Variants in NDST3 observed in about 807,000 individuals in gnomAD.
NDST3 encodes the protein bifunctional heparan sulfate N-deacetylase/N-sulfotransferase 3.
In NDST3, 58 loss-of-function variants were observed where a neutral mutation model predicts 96.1. The observed-to-expected ratio is 0.60, with a 90% CI of 0.49 to 0.75. NDST3 has a LOEUF of 0.75. NDST3 is among the 30% of genes least tolerant of loss of function. The pLI is 0.00. For synonymous variants in NDST3, 333 were observed against 359.7 expected (o/e 0.93, Z 0.84); for missense variants, 788 against 1,034.2 (o/e 0.76, Z 3.27).
intron 1 of NDST3, among the ~76,000 whole-genome samples, chr4:118,041,656 T>C (rs1178965650): frequency 6.6e-6 from 1 of 152,226 alleles, no homozygotes; most frequent in Non-Finnish European, 1.5e-5. Flanking sequence ...CAGGCTAGTG[T>C]GCTTGTTCTG....
chr4:118,155,105 T>C (rs1734639756), intron 6 of NDST3, among the ~76,000 whole-genome samples: 1 of 152,212 alleles, frequency 6.6e-6, no homozygotes. Flanking sequence ...TGGTAAGACT[T>C]TTAAATTTAT....
chr4:118,133,643 C>T (rs1357576317), intron 4 of NDST3, among the ~76,000 whole-genome samples: 2 of 152,128 alleles, frequency 1.3e-5, no homozygotes, highest in Admixed American at 1.3e-4. Flanking sequence ...GGGTTCTATT[C>T]TGCCATTTTG....
intron 1 of NDST3, among the ~76,000 whole-genome samples, chr4:118,041,096 AG>A (rs1724439754): frequency 6.6e-6 from 1 of 151,742 alleles, no homozygotes; most frequent in Non-Finnish European, 1.5e-5. Flanking sequence ...ATATCATAGT[AG>A]CCCATTTTCT....
intron 6 of NDST3, among the ~76,000 whole-genome samples, chr4:118,167,024 C>T (rs765183490): frequency 6.0e-5 from 9 of 150,874 alleles, no homozygotes; most frequent in Non-Finnish European, 1.3e-4. Flanking sequence ...CAACATTGTA[C>T]TGGAAGTACT....
intron 6 of NDST3, chr4:118,193,558 C>A: frequency 2.8e-6 from 3 of 1,061,460 alleles, no homozygotes; most frequent in Non-Finnish European, 4.4e-6. Context: ...CGTAGAGCGT[C>A]TTCTCCCAGG....
In NDST3 at chr4:118,064,829, G is replaced by A. The variant is rs116008901; in HGVS notation, c.981+9938G>A. ...CTAAGTTCAAGATGTCCACAGGGCT[G>A]TGTTCCTTTCTGGAGGCTCTAGGGG... On this transcript the variant is annotated intron_variant, in intron 2 of 13. Coordinates refer to ENST00000296499, the MANE Select transcript of NDST3 (RefSeq NM_004784.3). Among the ~76,000 whole-genome samples the A allele has an allele frequency of 5.9e-3, 898 of 152,252 alleles. 8 individuals are homozygous for A. The highest frequency in any genetic ancestry group is 9.3e-3 in the Non-Finnish European group (633 of 68,018).
At chr4:118,137,050 T>TA (rs1733158341) in intron 4 of NDST3, among the ~76,000 whole-genome samples, 1 of 152,146 alleles carries the variant, frequency 6.6e-6, no homozygotes, top group South Asian at 2.1e-4. Flanking sequence ...AAGCTAACCA[T>TA]ACCTCTAACT....
intron 6 of NDST3, among the ~76,000 whole-genome samples, chr4:118,188,536 A>C (rs902128667): frequency 6.6e-6 from 1 of 152,090 alleles, no homozygotes; most frequent in Non-Finnish European, 1.5e-5. Context: ...AGGCTATCGC[A>C]GATAATTTGA....
chr4:118,218,097 G>A (rs1012733811), intron 6 of NDST3, among the ~76,000 whole-genome samples: 1 of 151,812 alleles, frequency 6.6e-6, no homozygotes, highest in African/African-American at 2.4e-5. Context: ...ATACACAGCC[G>A]AATTCTACCA....
At chr4:118,166,533 C>T (rs1003146361) in intron 6 of NDST3, among the ~76,000 whole-genome samples, 5 of 151,950 alleles carry the variant, frequency 3.3e-5, no homozygotes, top group African/African-American at 1.2e-4. Flanking sequence ...GAAGGGAACT[C>T]TTCCAAACTC....
rs116313735 is a variant in NDST3 at position 118,097,582 on chromosome 4, C to T, written c.982-7436C>T. ...TGTTCTGAATCTCTGGGTTAGGACC[C>T]GGAAGTCTACATTTTGTTAAGTTTC... On this transcript the variant is annotated intron_variant, in intron 2 of 13. Coordinates refer to ENST00000296499, the MANE Select transcript of NDST3 (RefSeq NM_004784.3). 6.7e-3 allele frequency among the ~76,000 whole-genome samples: 1,011 copies of T among 151,862 alleles called. 8 individuals are homozygous for T. The highest frequency in any genetic ancestry group is 0.023 in the African/African-American group (968 of 41,446).
intron 2 of NDST3, among the ~76,000 whole-genome samples, chr4:118,066,122 ATATATATTATATAATATATTTTATATATT>A (rs1560617471): frequency 1.5e-5 from 1 of 65,278 alleles, no homozygotes; most frequent in African/African-American, 5.4e-5. Flanking sequence ...TTTATATATT[ATATATATTATATAATATATTTTATATATT>A]ATATATATTA....
rs540108549 is a variant in NDST3 at position 118,188,281 on chromosome 4, A to G, written c.1540-36210A>G. Among the ~76,000 whole-genome samples the G allele has an allele frequency of 3.9e-3, 579 of 148,326 alleles. 5 individuals carry two copies. Among genetic ancestry groups the G allele is most frequent in the African/African-American group, 0.014 (552 of 40,886 alleles). Reference sequence around the variant, plus strand: ...TACACCACCTATAAATATCATTAATATATGATATATTTATTATATATTATT... The same window carrying G: ...TACACCACCTATAAATATCATTAATGTATGATATATTTATTATATATTATT... On this transcript the variant is annotated intron_variant, in intron 6 of 13. Transcript: ENST00000296499.
intron 6 of NDST3, among the ~76,000 whole-genome samples, chr4:118,161,269 AG>A (rs1735105280): frequency 6.6e-6 from 1 of 152,186 alleles, no homozygotes; most frequent in Non-Finnish European, 1.5e-5. Flanking sequence ...GTGAGGTGTC[AG>A]TCTGCCCCTA....
chr4:118,042,031 C>G (rs1166755154), intron 1 of NDST3, among the ~76,000 whole-genome samples: 1 of 152,206 alleles, frequency 6.6e-6, no homozygotes, highest in East Asian at 1.9e-4. Flanking sequence ...GTAGCACATT[C>G]AGACGTGCCT....
chr4:118,090,448 T>C (rs1728774750), intron 2 of NDST3, among the ~76,000 whole-genome samples: 1 of 151,932 alleles, frequency 6.6e-6, no homozygotes, highest in South Asian at 2.1e-4. Context: ...ATGGGAGTTT[T>C]TTAATTCTAT....
chr4:118,165,553 C>T (rs1321004920), intron 6 of NDST3, among the ~76,000 whole-genome samples: 6 of 151,940 alleles, frequency 3.9e-5, no homozygotes, highest in Admixed American at 2.0e-4. Context: ...TTGAACAACA[C>T]TATAGACCCA....
At chr4:118,104,995 A>AT (rs1455156109) in intron 2 of NDST3, 23 bp from the exon 3 acceptor site, 2 of 1,601,644 alleles carry the variant, frequency 1.2e-6, no homozygotes, top group Non-Finnish European at 1.7e-6. Context: ...TACCTGATAC[A>AT]TTTTTTAAAT....
intron 6 of NDST3, among the ~76,000 whole-genome samples, chr4:118,200,524 C>T (rs1270733546): frequency 6.6e-6 from 1 of 152,132 alleles, no homozygotes; most frequent in Non-Finnish European, 1.5e-5. Flanking sequence ...ACCGTGAGAG[C>T]CTACTTGGTT....
Sources: gnomAD v4.1 joint callset for allele counts (sites outside exome capture counted in the v4.1 genomes callset) on GRCh38, gnomAD v4.1.1 for gene constraint, MANE v1.5 for transcripts, NCBI Gene and HGNC (gene_info 2026-07-23, HGNC 2026-07-21) for gene names.